The following OTOA variants were observed in gnomAD, a reference collection of about 807,000 sequenced individuals.
The protein encoded by OTOA is otoancorin.
OTOA carries 70 observed loss-of-function variants against 110.8 expected under a neutral mutation model. The observed-to-expected ratio is 0.63, with a 90% CI of 0.52 to 0.77. The LOEUF (loss-of-function observed/expected upper bound fraction) is 0.77. OTOA is among the 30% of genes least tolerant of loss of function. The probability of loss-of-function intolerance (pLI) is 0.00; values close to 1 mark genes in which losing one functional copy is unlikely to be tolerated. For synonymous variants in OTOA, 373 were observed against 431.5 expected (o/e 0.86, Z 1.68); for missense variants, 917 against 1,075.8 (o/e 0.85, Z 2.06).
intron 13 of OTOA, among the ~76,000 whole-genome samples, chr16:21,714,498 C>T (rs170108): frequency 0.61 from 73,450 of 120,374 alleles, 19,730 homozygotes; most frequent in South Asian, 0.68. Context: ...CTCTCTCTCT[C>T]TCTTTCTTTC....
At chr16:21,691,193 A>G (rs919621599) in intron 8 of OTOA, among the ~76,000 whole-genome samples, 12 of 151,958 alleles carry the variant, frequency 7.9e-5, no homozygotes, top group Non-Finnish European at 1.5e-4. Flanking sequence ...TATGTGTCAC[A>G]TTTTCTTAAT....
Position 21,719,235 on chromosome 16 carries a change from G to T in OTOA, c.1688+44G>T, listed in dbSNP as rs1197754714. ...GCCTGGGTGCTGAACAGGCCTTTCA[G>T]AGCCTTCTGCCAGAGCAGCCTACTT... is the stretch of plus-strand genomic sequence containing the variant. On this transcript the variant is annotated intron_variant, in intron 16 of 28. Coordinates refer to ENST00000646100, the MANE Select transcript of OTOA (RefSeq NM_144672.4). 4 of 1,609,866 alleles carry T rather than the reference G, an allele frequency of 2.5e-6. No individual in the cohort carries two copies. In the African/African-American group the frequency reaches 5.3e-5, roughly 22 times the overall value.
intron 9 of OTOA, among the ~76,000 whole-genome samples, chr16:21,692,610 C>T (rs1414004040): frequency 6.6e-6 from 1 of 151,856 alleles, no homozygotes; most frequent in Non-Finnish European, 1.5e-5. Flanking sequence ...TGTACTTACT[C>T]CCGCTCAACT....
chr16:21,728,359 G>A lies in OTOA; in HGVS notation c.2135G>A (p.Gly712Asp). The A allele has an allele frequency of 6.2e-7, 1 of 1,614,126 alleles. No individual in the cohort carries two copies. Among genetic ancestry groups the A allele is most frequent in the Non-Finnish European group, 8.5e-7 (1 of 1,180,012 alleles). ...AGGGCTTGGGCGACTGCTCTACACG[G>A]CCTCAGAGACTGCCCAGACCTCAAC... ...SPRAWATALH[G>D]LRDCPDLNPE... Residue 712 changes from glycine to aspartate, a missense_variant, in exon 20 of 29, where the codon GGC (glycine) becomes GAC (aspartate). This residue lies in a region of OTOA where 840 missense variants were observed against 910.2 expected (regional missense o/e 0.92). Coordinates refer to ENST00000646100, the MANE Select transcript of OTOA (RefSeq NM_144672.4).
intron 10 of OTOA, among the ~76,000 whole-genome samples, chr16:21,699,719 G>GC (rs1387202773): frequency 6.6e-6 from 1 of 152,056 alleles, no homozygotes; most frequent in Non-Finnish European, 1.5e-5. Context: ...AGGTGTTCAA[G>GC]ACCAGCCTGG....
chr16:21,711,015 A>G (rs1898337923), intron 13 of OTOA, among the ~76,000 whole-genome samples: 1 of 152,082 alleles, frequency 6.6e-6, no homozygotes, highest in Admixed American at 6.6e-5. Context: ...AAAAAATTAA[A>G]CAACAACAAC....
chr16:21,725,650 A>AT (rs754911163), intron 18 of OTOA, among the ~76,000 whole-genome samples: 9 of 152,190 alleles, frequency 5.9e-5, no homozygotes, highest in Non-Finnish European at 1.0e-4. Flanking sequence ...AAAGAAAAAA[A>AT]GGAGTGTGGG....
At chr16:21,698,524 T>G (rs1365940216) in intron 10 of OTOA, among the ~76,000 whole-genome samples, 1 of 152,160 alleles carries the variant, frequency 6.6e-6, no homozygotes, top group African/African-American at 2.4e-5. Flanking sequence ...CTGTGGGCCT[T>G]GCTTCCAATT....
chr16:21,703,734 C>T (rs1022567103), intron 11 of OTOA, among the ~76,000 whole-genome samples: 8 of 152,114 alleles, frequency 5.3e-5, no homozygotes, highest in African/African-American at 1.9e-4. Flanking sequence ...CAATATCGCT[C>T]TGAGAGGGTG....
chr16:21,727,856 C>A (rs545943645), intron 19 of OTOA, among the ~76,000 whole-genome samples: 2 of 149,518 alleles, frequency 1.3e-5, no homozygotes, highest in East Asian at 3.9e-4. Context: ...AGTTTGGGAT[C>A]GGAACTTTTT....
At chr16:21,714,594 C>T (rs1027877360) in intron 13 of OTOA, among the ~76,000 whole-genome samples, 5 of 151,882 alleles carry the variant, frequency 3.3e-5, no homozygotes, top group Admixed American at 1.3e-4. Flanking sequence ...TCACTGCAAC[C>T]TCTGCCTCCT....
intron 9 of OTOA, among the ~76,000 whole-genome samples, chr16:21,695,889 A>ATTTTTTTTTTTTT (rs1213474615): frequency 2.5e-4 from 16 of 63,640 alleles, no homozygotes; most frequent in Non-Finnish European, 3.4e-4. Context: ...ATATATATAT[A>ATTTTTTTTTTTTT]TATTTTTTTT....
At chr16:21,692,434 C>A (rs796251115) in intron 9 of OTOA, among the ~76,000 whole-genome samples, 4 of 152,126 alleles carry the variant, frequency 2.6e-5, no homozygotes, top group African/African-American at 7.2e-5. Context: ...GCAGGTAGGT[C>A]AGGATTTATT....
chr16:21,693,799 C>T (rs1033519573), intron 9 of OTOA, among the ~76,000 whole-genome samples: 28 of 152,254 alleles, frequency 1.8e-4, no homozygotes, highest in African/African-American at 6.7e-4. Flanking sequence ...TGGTCTCAAA[C>T]TCCTGACCTC....
intron 8 of OTOA, among the ~76,000 whole-genome samples, chr16:21,689,605 A>T (rs1897788110): frequency 6.6e-6 from 1 of 152,164 alleles, no homozygotes; most frequent in East Asian, 1.9e-4. Flanking sequence ...CTGGATCCAG[A>T]GACTCAAATG....
intron 9 of OTOA, among the ~76,000 whole-genome samples, chr16:21,695,891 A>ATATATTTTTTTTTTTTTTTTTTT (rs569493650): frequency 2.4e-5 from 1 of 41,904 alleles, no homozygotes; most frequent in Non-Finnish European, 3.7e-5. Context: ...ATATATATAT[A>ATATATTTTTTTTTTTTTTTTTTT]TTTTTTTTTT....
rs1900142150 is a variant in OTOA, at chr16:21,760,610, G to C, written c.*70G>C. 2.2e-6 allele frequency: 3 copies of C among 1,339,882 alleles called. No individual in the cohort carries two copies. The Admixed American group carries it at 5.4e-5, about 24-fold the overall frequency. 83.0% of individuals were successfully genotyped at this position (1,339,882 alleles called of 1,614,324 possible). A position where few individuals can be genotyped will look rare whatever the true frequency, so the allele number is the denominator to read the frequency against. ...ACATGTGTAGAGACAGGATGCTCCA[G>C]ATGGTGGGACACCCTTCCCTGGATC... On this transcript the variant is annotated 3_prime_UTR_variant, in exon 29 of 29. Transcript: ENST00000646100.
intron 6 of OTOA, chr16:21,684,402 G>C: frequency 6.7e-7 from 1 of 1,497,350 alleles, no homozygotes; most frequent in Non-Finnish European, 9.0e-7. Context: ...TCCTTGCCCT[G>C]TAGGGGGCGC....
intron 1 of OTOA, among the ~76,000 whole-genome samples, chr16:21,674,417 T>C (rs958272689): frequency 6.6e-6 from 1 of 151,996 alleles, no homozygotes; most frequent in African/African-American, 2.4e-5. Context: ...CACTGCAACC[T>C]CCGCCTCCTC....
Sources: gnomAD v4.1 joint callset for allele counts (sites outside exome capture counted in the v4.1 genomes callset) on GRCh38, gnomAD v4.1.1 for gene constraint, gnomAD v4.1.1 regional missense constraint, MANE v1.5 for transcripts, NCBI Gene and HGNC (gene_info 2026-07-23, HGNC 2026-07-21) for gene names.